PGAP2: variants seen among roughly 807,000 people sequenced by gnomAD.
PGAP2 encodes the protein acyltransferase PGAP2.
A neutral mutation model predicts 33.2 loss-of-function variants in PGAP2; 21 were observed. The ratio of observed to expected loss-of-function variants is 0.63; its 90% CI spans 0.45 to 0.91. The LOEUF (loss-of-function observed/expected upper bound fraction) is 0.91, where lower values mean the gene tolerates loss of function less well. Among genes scored for constraint, PGAP2 ranks in the 40% least tolerant of loss-of-function variants. The probability of loss-of-function intolerance (pLI) is 0.00; values close to 1 mark genes in which losing one functional copy is unlikely to be tolerated. For synonymous variants in PGAP2, 161 were observed against 172.9 expected (o/e 0.93, Z 0.54); for missense variants, 345 against 424.0 (o/e 0.81, Z 1.64).
At chr11:3,806,661 G>T (rs1278199553), upstream of PGAP2, among the ~76,000 whole-genome samples, 2 of 152,190 alleles carry the variant, frequency 1.3e-5, no homozygotes, top group Admixed American at 1.3e-4. Flanking sequence ...CTTGAGTCCT[G>T]GTTCTGGCAT....
intron 2 of PGAP2, among the ~76,000 whole-genome samples, chr11:3,814,816 T>TC: frequency 8.5e-6 from 1 of 117,820 alleles, no homozygotes; most frequent in Admixed American, 8.9e-5. Flanking sequence ...TTCTTTCTCT[T>TC]TCTTTCTTTT....
chr11:3,820,328 C>T (rs1420524269), intron 3 of PGAP2, among the ~76,000 whole-genome samples: 1 of 152,172 alleles, frequency 6.6e-6, no homozygotes. Context: ...TGAAAGCCAT[C>T]ACTTATTGTA....
At chr11:3,801,357 TCCCAGCCG>T (rs1469379938) in intron 1 of PGAP2, among the ~76,000 whole-genome samples, 1 of 151,516 alleles carries the variant, frequency 6.6e-6, no homozygotes, top group Non-Finnish European at 1.5e-5. Flanking sequence ...TAAAAATGTA[TCCCAGCCG>T]GGCATGGTGG....
rs932942171 is a variant in PGAP2 at position 3,824,102 on chromosome 11, G to A, written c.568G>A (p.Val190Met). 3.7e-6 allele frequency: 6 copies of A among 1,614,080 alleles called. No individual in the cohort carries two copies. The highest frequency in any genetic ancestry group is 2.2e-5 in the East Asian group (1 of 44,896). ...LNVVENLALLVLTYVSSSEDF... is the reference protein window; with the variant it reads ...LNVVENLALLMLTYVSSSEDF... Reference sequence around the variant, plus strand: ...TGTCGTGGAGAACCTCGCGTTGCTAGTGCTCACTTATGTCTCCTCCTCCGA... The same window carrying A: ...TGTCGTGGAGAACCTCGCGTTGCTAATGCTCACTTATGTCTCCTCCTCCGA... Residue 190 changes from valine to methionine, a missense_variant, in exon 4 of 7, where the codon GTG becomes ATG. Physicochemically the swap from Val to Met is conservative, Grantham distance 21 (BLOSUM62 1). Coordinates refer to ENST00000278243, the MANE Select transcript of PGAP2 (RefSeq NM_014489.4).
chr11:3,824,423 T>G, intron 5 of PGAP2, 47 bp downstream of exon 5: 1 of 1,613,946 alleles, frequency 6.2e-7, no homozygotes, highest in African/African-American at 1.3e-5. Flanking sequence ...CAGAAGAAAA[T>G]CAAGGACATC....
rs1273662235 is a variant in PGAP2 at position 3,825,519 on chromosome 11, AT to A, written c.*63del. The A allele has an allele frequency of 3.9e-6, 6 of 1,547,978 alleles. No homozygotes were observed. Among genetic ancestry groups the A allele is most frequent in the Non-Finnish European group, 5.3e-6 (6 of 1,137,814 alleles). On this transcript the variant is annotated 3_prime_UTR_variant, in exon 7 of 7. Coordinates refer to ENST00000278243, the MANE Select transcript of PGAP2 (RefSeq NM_014489.4). The stretch of plus-strand genomic sequence containing the variant: ...GCCCAGAAACAAGAAACACGATACC[AT>A]TCTGGCCTTCCCCACCCCACATCCT...
At position 3,826,217 on chromosome 11, in the gene PGAP2, G is replaced by A. The variant is rs908964833; in HGVS notation, c.*759G>A. The A allele has an allele frequency of 1.3e-5, 2 of 152,216 alleles. No individual in the cohort carries two copies. The highest frequency in any genetic ancestry group is 4.8e-5 in the African/African-American group (2 of 41,424). The allele number at this position is 152,216 out of a possible 1,614,324, so 9.4% of individuals were successfully genotyped here. A position where few individuals can be genotyped will look rare whatever the true frequency, so the allele number is the denominator to read the frequency against. Reference sequence around the variant, plus strand: ...CCCCTCCCCTCCTTTGCAAAGGTATGGGATAGAGGGGTCAGATGCAGATCT... The same window carrying A: ...CCCCTCCCCTCCTTTGCAAAGGTATAGGATAGAGGGGTCAGATGCAGATCT... On this transcript the variant is annotated 3_prime_UTR_variant, in exon 7 of 7. Coordinates refer to ENST00000278243, the MANE Select transcript of PGAP2 (RefSeq NM_014489.4).
upstream of PGAP2, among the ~76,000 whole-genome samples, chr11:3,804,824 C>G (rs956241537): frequency 3.9e-5 from 6 of 152,112 alleles, no homozygotes; most frequent in African/African-American, 1.4e-4. Flanking sequence ...GCTTTAGCCT[C>G]CCAAGTAGCT....
intron 3 of PGAP2, among the ~76,000 whole-genome samples, chr11:3,818,842 G>A (rs2087786465): frequency 6.6e-6 from 1 of 152,198 alleles, no homozygotes; most frequent in African/African-American, 2.4e-5. Context: ...AGAGTACAGT[G>A]ACTGTGGGGC....
At chr11:3,817,134 G>A (rs1483357333) in intron 2 of PGAP2, among the ~76,000 whole-genome samples, 1 of 152,064 alleles carries the variant, frequency 6.6e-6, no homozygotes, top group Non-Finnish European at 1.5e-5. Context: ...CTGTGCCAGG[G>A]GGATTCCTAA....
intron 3 of PGAP2, among the ~76,000 whole-genome samples, chr11:3,821,596 T>C (rs2088653549): frequency 6.6e-6 from 1 of 151,782 alleles, no homozygotes; most frequent in Non-Finnish European, 1.5e-5. Flanking sequence ...CCATCTCTAC[T>C]AAAAATACAA....
In PGAP2 at chr11:3,823,904, G is replaced by C; in HGVS notation, c.370G>C (p.Val124Leu). 1.2e-6 allele frequency: 2 copies of C among 1,605,100 alleles called. No homozygotes were observed. The highest frequency in any genetic ancestry group is 1.7e-6 in the Non-Finnish European group (2 of 1,179,926). The change falls in exon 4 of 7, where the codon GTG becomes CTG. Residue 124 changes from valine (V) to leucine (L), a missense_variant. Val to Leu is a conservative substitution (Grantham distance 32, BLOSUM62 1). This residue lies in a region of PGAP2 where 311 missense variants were observed against 353.6 expected (regional missense o/e 0.88). Coordinates refer to ENST00000278243, the MANE Select transcript of PGAP2 (RefSeq NM_014489.4). ...DCGVPNYLPS[V>L]SSAIGGEVPQ... is the part of the protein sequence containing the mutation. The stretch of plus-strand genomic sequence containing the variant: ...CTAGGTGCCCAATTACCTGCCCTCG[G>C]TGAGCTCAGCCATCGGCGGGGAGGT...
At chr11:3,806,034 CAG>C (rs1384518030), upstream of PGAP2, among the ~76,000 whole-genome samples, 3 of 152,160 alleles carry the variant, frequency 2.0e-5, no homozygotes, top group East Asian at 5.8e-4. Flanking sequence ...GACGAGGAAA[CAG>C]AGGCTCAGGG....
At position 3,825,110 on chromosome 11, in the gene PGAP2, A is replaced by G. The variant is rs1173487235; in HGVS notation, c.799A>G (p.Met267Val). Residue 267 changes from methionine (M) to valine (V), a missense_variant, in exon 6 of 7, where the codon ATG becomes GTG. By Grantham distance (21) the Met-to-Val change is conservative (BLOSUM62 1). Coordinates refer to ENST00000278243, the MANE Select transcript of PGAP2 (RefSeq NM_014489.4). ...SALAVYFRHN[M>V]YCEAGVYTIF... ...GCTGGCTGTCTACTTTCGGCACAAC[A>G]TGTATTGTGAGGCTGGAGGTGAGGC... is the stretch of plus-strand genomic sequence containing the variant. The G allele has an allele frequency of 4.3e-6, 7 of 1,614,050 alleles. No homozygotes were observed. In the Admixed American group the frequency reaches 6.7e-5, roughly 15 times the overall value.
rs540973469 is a variant in PGAP2 at position 3,817,016 on chromosome 11, G to C, written c.166-337G>C. Among the ~76,000 whole-genome samples, 8 of 152,224 alleles carry C rather than the reference G, an allele frequency of 5.3e-5. No homozygotes were observed. The South Asian group carries it at 1.7e-3, about 32-fold the overall frequency. On this transcript the variant is annotated intron_variant, in intron 2 of 6. Transcript: ENST00000278243. ...CCTTTCTACCTCTGACCCTTCTCCT[G>C]AGTGGCTATGAGGGTTGTGAGAGTG...
intron 3 of PGAP2, chr11:3,822,761 G>A: frequency 2.0e-6 from 1 of 511,446 alleles, no homozygotes; most frequent in South Asian, 3.6e-5. Context: ...ACTGCTCTAG[G>A]CCCTGGAGTC....
intron 3 of PGAP2, chr11:3,818,062 T>TA (rs112928434): frequency 0.14 from 29,000 of 210,852 alleles, 1,116 homozygotes; most frequent in Middle Eastern, 0.18. Flanking sequence ...CAAAACAAAA[T>TA]AAAAAAAAAA....
Position 3,808,627 on chromosome 11 carries a change from C to T in PGAP2, c.-35C>T, listed in dbSNP as rs1590191353. Reference sequence around the variant, plus strand: ...GGCCACCTGGGCCCCCGGGTTCCGCCGGCACTCTCGCCACCACCGCGTGGG... The same window carrying T: ...GGCCACCTGGGCCCCCGGGTTCCGCTGGCACTCTCGCCACCACCGCGTGGG... On this transcript the variant is annotated 5_prime_UTR_variant, in exon 1 of 7. Transcript: ENST00000278243. 5 of 1,299,654 alleles carry T rather than the reference C, an allele frequency of 3.8e-6. No homozygotes were observed. In the South Asian group the frequency reaches 5.2e-5, roughly 14 times the overall value. 80.5% of individuals were successfully genotyped at this position (1,299,654 alleles called of 1,614,324 possible). A position where few individuals can be genotyped will look rare whatever the true frequency, so the allele number is the denominator to read the frequency against.
exon 1 of PGAP2, chr11:3,797,965 C>G: frequency 6.5e-7 from 1 of 1,547,310 alleles, no homozygotes; most frequent in Non-Finnish European, 8.7e-7. Flanking sequence ...ATCAGAGGGA[C>G]GGCCCCAGAA....
Sources: allele counts gnomAD v4.1 joint callset (sites outside exome capture counted in the v4.1 genomes callset), GRCh38; gene constraint gnomAD v4.1.1; regional missense constraint gnomAD v4.1.1; transcripts MANE v1.5; gene names NCBI Gene and HGNC (gene_info 2026-07-23, HGNC 2026-07-21).